The following SATB1 variants were observed in gnomAD, a reference collection of about 807,000 sequenced individuals.
The protein encoded by SATB1 is SATB homeobox 1.
In SATB1, 11 loss-of-function variants were observed where a neutral mutation model predicts 86.9. That is an observed-to-expected ratio of 0.13 (90% CI 0.08 to 0.21). SATB1 has a LOEUF of 0.21. Among genes scored for constraint, SATB1 ranks in the 10% least tolerant of loss-of-function variants. The pLI is 1.00. For missense variants in SATB1, 551 were observed against 937.6 expected (o/e 0.59, Z 5.39); for synonymous variants, 357 against 357.2 (o/e 1.00, Z 0.01).
chr3:18,386,512 G>T lies in SATB1; in HGVS notation c.1306C>A (p.Pro436Thr). The T allele has an allele frequency of 6.2e-7, 1 of 1,614,082 alleles. No homozygotes were observed. The highest frequency in any genetic ancestry group is 1.1e-5 in the South Asian group (1 of 91,068). The change falls in exon 8 of 11, where the codon CCG becomes ACG. Residue 436 changes from proline to threonine, a missense_variant. Transcript: ENST00000338745. The surrounding 1 kb of genome is among the most constrained non-coding windows in gnomAD (Gnocchi z 4.5). ...LRAMQNFLQLPEAERDRIYQD... is the reference protein window; with the variant it reads ...LRAMQNFLQLTEAERDRIYQD... ...TATATTCGGTCTCTTTCAGCTTCCG[G>T]TAACTGCAAGAAATTCTGCATAGCC...
At chr3:18,435,817 C>T (rs1219896989) in intron 2 of SATB1, among the ~76,000 whole-genome samples, 1 of 152,002 alleles carries the variant, frequency 6.6e-6, no homozygotes, top group African/African-American at 2.4e-5. Flanking sequence ...TAATTTTTGT[C>T]TCGTGGATGG....
rs1473258507 is a variant in SATB1, at chr3:18,386,159, C to A, written c.1419+240G>T. 6.6e-6 allele frequency among the ~76,000 whole-genome samples: 1 copy of A among 152,050 alleles called. No homozygotes were observed. The highest frequency in any genetic ancestry group is 1.5e-5 in the Non-Finnish European group (1 of 67,988). On this transcript the variant is annotated intron_variant, in intron 8 of 10. Coordinates refer to ENST00000338745, the MANE Select transcript of SATB1 (RefSeq NM_002971.6). This position sits in a 1 kb window ranked among gnomAD's most constrained non-coding sequence, Gnocchi z 4.5. ...ATATCCCATTTAAAGACTACTTTCA[C>A]CCCCAAATAACCCAAAGAATGAAGG...
At chr3:18,437,179 C>T (rs1165186647) in intron 1 of SATB1, among the ~76,000 whole-genome samples, 5 of 151,886 alleles carry the variant, frequency 3.3e-5, no homozygotes, top group Non-Finnish European at 5.9e-5. Context: ...GGAGCAAAAT[C>T]AATTAAATAA....
rs559726140 is a variant in SATB1, at chr3:18,444,111, A to T, written c.-25+1407T>A. ...GATGGACCGGGAAAGGATGCTGAGC[A>T]GACTCGCGATCCGGTGGGGGAACAT... is the stretch of plus-strand genomic sequence containing the variant. On this transcript the variant is annotated intron_variant, in intron 1 of 3. Transcript: ENST00000415069. This position sits in a 1 kb window ranked among gnomAD's most constrained non-coding sequence, Gnocchi z 5.1. 3.6e-4 allele frequency among the ~76,000 whole-genome samples: 55 copies of T among 152,250 alleles called. No individual in the cohort carries two copies. Among genetic ancestry groups the T allele is most frequent in the African/African-American group, 1.3e-3 (55 of 41,558 alleles).
At chr3:18,436,456 C>T (rs1699062589) in intron 2 of SATB1, among the ~76,000 whole-genome samples, 1 of 149,570 alleles carries the variant, frequency 6.7e-6, no homozygotes, top group Admixed American at 6.7e-5. Context: ...CACACTTAAC[C>T]TAATACTGAA....
chr3:18,417,780 T>A (rs930299457), intron 2 of SATB1: 3 of 627,826 alleles, frequency 4.8e-6, no homozygotes, highest in South Asian at 1.8e-5. Context: ...ACGGTACCCA[T>A]AAGTCTTTAA....
Position 18,438,270 on chromosome 3 carries a change from C to T in SATB1, c.-108+295G>A, listed in dbSNP as rs1699133068. Among the ~76,000 whole-genome samples the T allele has an allele frequency of 2.0e-5, 3 of 152,162 alleles. 1 individual carries two copies. The highest frequency in any genetic ancestry group is 2.0e-4 in the Admixed American group (3 of 15,286). On this transcript the variant is annotated intron_variant, in intron 1 of 3. Coordinates refer to the SATB1 transcript ENST00000414509. ...TCAACTCTACTACATGCCTAGCTTC[C>T]AGGAAAACTGCATCTAAAGAATGCC...
intron 9 of SATB1, among the ~76,000 whole-genome samples, chr3:18,370,514 G>GAAAA (rs1559407361): frequency 7.6e-5 from 1 of 13,234 alleles, no homozygotes; most frequent in Non-Finnish European, 1.5e-4. Flanking sequence ...ACTGAGAGAG[G>GAAAA]CAAAAAAAAA....
chr3:18,399,590 A>C (rs1697146017), intron 5 of SATB1, among the ~76,000 whole-genome samples: 1 of 152,180 alleles, frequency 6.6e-6, no homozygotes, highest in Non-Finnish European at 1.5e-5. Flanking sequence ...CCATATGTGC[A>C]TCATTGTCAA....
intron 9 of SATB1, among the ~76,000 whole-genome samples, chr3:18,376,968 T>C (rs1052219754): frequency 1.2e-4 from 19 of 152,202 alleles, no homozygotes; most frequent in African/African-American, 3.6e-4. Flanking sequence ...AAAGCTATAA[T>C]TTTTACAGTC....
chr3:18,378,057 G>T, intron 9 of SATB1, 113 bp downstream of exon 9: 1 of 875,618 alleles, frequency 1.1e-6, no homozygotes, highest in Non-Finnish European at 1.7e-6. Context: ...AATAATCCTA[G>T]ACACAGAGGC....
At chr3:18,382,568 A>G (rs1696120592) in intron 8 of SATB1, among the ~76,000 whole-genome samples, 1 of 152,196 alleles carries the variant, frequency 6.6e-6, no homozygotes, top group Non-Finnish European at 1.5e-5. Context: ...AAATCTGCAA[A>G]GCTTATAGTG....
Position 18,397,302 on chromosome 3 carries a change from A to AG in SATB1, c.640-13dup. On this transcript the variant is annotated splice_polypyrimidine_tract_variant and intron_variant, in intron 5 of 10. Coordinates refer to ENST00000338745, the MANE Select transcript of SATB1 (RefSeq NM_002971.6). ...GAAGAAATCATACTCTGCATGAAGA[A>AG]GGGGGGAGAATATTTGTAATACACA... The AG allele has an allele frequency of 7.1e-7, 1 of 1,404,854 alleles. No individual in the cohort carries two copies. Among genetic ancestry groups the AG allele is most frequent in the Non-Finnish European group, 1.0e-6 (1 of 989,640 alleles). 87.0% of individuals were successfully genotyped at this position (1,404,854 alleles called of 1,614,324 possible).
rs139429600 is a variant in SATB1 at position 18,363,934 on chromosome 3, A to G, written c.1576-11739T>C. On this transcript the variant is annotated intron_variant, in intron 9 of 10. Coordinates refer to ENST00000338745, the MANE Select transcript of SATB1 (RefSeq NM_002971.6). ...TACAGCACTGCATGTGGGCATGCGA[A>G]TATCAGAGAAAAGGTTGTCTGGAAG... Among the ~76,000 whole-genome samples the G allele has an allele frequency of 5.2e-4, 79 of 152,312 alleles. 1 individual carries two copies. The East Asian group carries it at 8.5e-3, about 16-fold the overall frequency.
rs1267982779 is a variant in SATB1, at chr3:18,386,435, G to A, written c.1383C>T (p.Ala461=). ...SLNAASAMGP[A]PLISTPPSRP... is the part of the protein sequence containing the mutation. ...GGCTGGGTGGTGTGCTGATGAGGGG[G>A]GCAGGACCCATGGCCGAGGCAGCAT... Residue 461 remains alanine (A), a synonymous_variant, in exon 8 of 11, where the codon GCC becomes GCT. Coordinates refer to ENST00000338745, the MANE Select transcript of SATB1 (RefSeq NM_002971.6). The surrounding 1 kb of genome is among the most constrained non-coding windows in gnomAD (Gnocchi z 4.5). The A allele has an allele frequency of 1.2e-6, 2 of 1,613,924 alleles. No homozygotes were observed. Among genetic ancestry groups the A allele is most frequent in the Non-Finnish European group, 1.7e-6 (2 of 1,179,992 alleles).
chr3:18,354,739 T>C (rs1410320996), intron 9 of SATB1, among the ~76,000 whole-genome samples: 2 of 152,262 alleles, frequency 1.3e-5, no homozygotes, highest in East Asian at 3.9e-4. Flanking sequence ...ATCACAGATG[T>C]TCTTTGGAAA....
At chr3:18,445,349 CG>C in intron 1 of SATB1, 4 of 822,876 alleles carry the variant, frequency 4.9e-6, no homozygotes, top group Non-Finnish European at 5.8e-6. Flanking sequence ...GCGCGCCGGC[CG>C]GGGTGTGGGG....
Position 18,349,653 on chromosome 3 carries a change from C to T in SATB1, c.1809G>A (p.Gln603=), listed in dbSNP as rs754107664. The change falls in exon 11 of 11, where the codon CAG becomes CAA. Residue 603 remains glutamine (Q), a synonymous_variant. Transcript: ENST00000338745. This position sits in a 1 kb window ranked among gnomAD's most constrained non-coding sequence, Gnocchi z 5.5. ...GAGGCGGCGGTGCCTGCTGCTGCTGCTGCTGCTGTTGCTGTTGCTGCTGCT... is the reference window on the plus strand; with the variant it reads ...GAGGCGGCGGTGCCTGCTGCTGCTGTTGCTGCTGTTGCTGTTGCTGCTGCT... ...QQQQQQQQQQ[Q]QQQQAPPPPQ... is the part of the protein sequence containing the mutation. The T allele has an allele frequency of 3.7e-6, 6 of 1,610,854 alleles. No homozygotes were observed. The highest frequency in any genetic ancestry group is 2.7e-5 in the African/African-American group (2 of 74,850).
At chr3:18,355,252 T>A (rs1694572727) in intron 9 of SATB1, among the ~76,000 whole-genome samples, 2 of 152,092 alleles carry the variant, frequency 1.3e-5, no homozygotes, top group South Asian at 4.1e-4. Context: ...TCTGTCAGTG[T>A]AGAAATAAAT....
Sources: gnomAD v4.1 joint callset for allele counts (sites outside exome capture counted in the v4.1 genomes callset) on GRCh38, gnomAD v4.1.1 for gene constraint, Gnocchi (gnomAD v3.1) non-coding constraint, MANE v1.5 for transcripts, NCBI Gene and HGNC (gene_info 2026-07-23, HGNC 2026-07-21) for gene names.